TRDN: variants seen among roughly 807,000 people sequenced by gnomAD.
TRDN encodes triadin in skeletal muscle.
A neutral mutation model predicts 149.7 loss-of-function variants in TRDN; 161 were observed. The ratio of observed to expected loss-of-function variants is 1.08; its 90% CI spans 0.95 to 1.23. The LOEUF (loss-of-function observed/expected upper bound fraction) is 1.23. Among genes scored for constraint, TRDN ranks in the 50% most tolerant of loss-of-function variants. The probability of loss-of-function intolerance (pLI) is 0.00; values close to 1 mark genes in which losing one functional copy is unlikely to be tolerated. For synonymous variants in TRDN, 294 were observed against 250.5 expected, an observed-to-expected ratio of 1.17 and a Z score of -1.64; for missense variants, 896 against 823.5, an observed-to-expected ratio of 1.09 and a Z score of -1.08.
chr6:123,549,217 A>G (rs537944546), intron 2 of TRDN, among the ~76,000 whole-genome samples: 1 of 152,226 alleles, frequency 6.6e-6, no homozygotes, highest in South Asian at 2.1e-4. Context: ...AGTAACTTCA[A>G]TGGATAGAAT....
chr6:123,592,633 G>A (rs1446799957), intron 1 of TRDN, among the ~76,000 whole-genome samples: 1 of 152,164 alleles, frequency 6.6e-6, no homozygotes, highest in African/African-American at 2.4e-5. Context: ...ATCACTCAAA[G>A]CAGTAATTTC....
intron 4 of TRDN, among the ~76,000 whole-genome samples, chr6:123,532,849 G>T (rs4142959): frequency 0.22 from 32,635 of 150,332 alleles, 4,291 homozygotes; most frequent in East Asian, 0.63. Flanking sequence ...CAGGTCTAAG[G>T]CACGTCTAAT....
intron 6 of TRDN, among the ~76,000 whole-genome samples, chr6:123,513,723 GT>G (rs1203126397): frequency 1.3e-5 from 2 of 151,974 alleles, no homozygotes; most frequent in Non-Finnish European, 2.9e-5. Context: ...TTTTCTGTAG[GT>G]TATTGGGGTC....
At chr6:123,437,409 G>A (rs75786458) in intron 12 of TRDN, 2 of 67,032 alleles carry the variant, frequency 3.0e-5, no homozygotes, top group South Asian at 2.6e-4. Context: ...TTTTTTTTTT[G>A]TAGGGGGATG....
At chr6:123,246,083 A>C (rs1292634089) in intron 38 of TRDN, among the ~76,000 whole-genome samples, 1 of 152,116 alleles carries the variant, frequency 6.6e-6, no homozygotes, top group Non-Finnish European at 1.5e-5. Flanking sequence ...AACACAGATA[A>C]AGCAGTGTTT....
intron 2 of TRDN, among the ~76,000 whole-genome samples, chr6:123,559,992 G>T (rs1052815889): frequency 1.3e-5 from 2 of 152,158 alleles, no homozygotes; most frequent in Non-Finnish European, 2.9e-5. Context: ...CTGCCACAAG[G>T]CTTCACAGAC....
At chr6:123,230,129 AC>A (rs2114519431) in intron 38 of TRDN, among the ~76,000 whole-genome samples, 1 of 152,114 alleles carries the variant, frequency 6.6e-6, no homozygotes, top group African/African-American at 2.4e-5. Context: ...AAGACTTGGA[AC>A]CAACCCAAAT....
At chr6:123,449,009 T>TGTGAAA (rs1775589591) in intron 10 of TRDN, among the ~76,000 whole-genome samples, 2 of 151,744 alleles carry the variant, frequency 1.3e-5, no homozygotes, top group South Asian at 4.2e-4. Context: ...GCCACATCCA[T>TGTGAAA]AGGAAAAGGG....
intron 33 of TRDN, among the ~76,000 whole-genome samples, chr6:123,262,046 C>T (rs997772026): frequency 6.6e-6 from 1 of 151,834 alleles, no homozygotes; most frequent in African/African-American, 2.4e-5. Flanking sequence ...AATTTTTAAT[C>T]CAGGTTACAG....
intron 22 of TRDN, among the ~76,000 whole-genome samples, chr6:123,335,421 C>T (rs745867528): frequency 4.0e-5 from 6 of 151,768 alleles, no homozygotes; most frequent in Non-Finnish European, 7.4e-5. Flanking sequence ...TTTTCTCTAA[C>T]ATTTTCAATC....
intron 24 of TRDN, among the ~76,000 whole-genome samples, chr6:123,286,719 A>C (rs1055494897): frequency 3.9e-5 from 6 of 152,040 alleles, no homozygotes; most frequent in South Asian, 2.1e-4. Context: ...ACACACACAC[A>C]TCAGGTTTCA....
At chr6:123,285,265 G>A (rs1345232318) in intron 24 of TRDN, among the ~76,000 whole-genome samples, 1 of 152,052 alleles carries the variant, frequency 6.6e-6, no homozygotes, top group African/African-American at 2.4e-5. Context: ...AAATCTGGAG[G>A]CATCACATTA....
chr6:123,400,717 A>T (rs1042609095), intron 12 of TRDN, among the ~76,000 whole-genome samples: 2 of 152,204 alleles, frequency 1.3e-5, no homozygotes, highest in South Asian at 4.1e-4. Flanking sequence ...AGGGTGTCAT[A>T]GAACAGTATG....
intron 27 of TRDN, 139 bp downstream of exon 27, chr6:123,274,502 G>C: frequency 1.5e-6 from 1 of 655,638 alleles, no homozygotes; most frequent in Non-Finnish European, 2.5e-6. Flanking sequence ...AAATCATGTT[G>C]AGCAATGGAG....
chr6:123,583,692 T>A (rs1317371458), intron 1 of TRDN, among the ~76,000 whole-genome samples: 2 of 152,032 alleles, frequency 1.3e-5, no homozygotes, highest in Admixed American at 1.3e-4. Flanking sequence ...AAAAAATGAC[T>A]GTGGTGGCCT....
chr6:123,523,675 G>A (rs148384655), intron 5 of TRDN, among the ~76,000 whole-genome samples: 133 of 152,196 alleles, frequency 8.7e-4, no homozygotes, highest in African/African-American at 1.4e-3. Context: ...ATAGTACGGA[G>A]GAGCTAAGTA....
At chr6:123,271,976 A>T (rs940292598) in intron 29 of TRDN, among the ~76,000 whole-genome samples, 2 of 151,846 alleles carry the variant, frequency 1.3e-5, no homozygotes, top group African/African-American at 2.4e-5. Context: ...ACAATGTTTC[A>T]TTTAATGAGG....
chr6:123,551,871 T>C (rs1781408648), intron 2 of TRDN, among the ~76,000 whole-genome samples: 2 of 152,062 alleles, frequency 1.3e-5, no homozygotes, highest in African/African-American at 4.8e-5. Context: ...GGTCTCGTTT[T>C]GGGTGGGGAG....
intron 12 of TRDN, among the ~76,000 whole-genome samples, chr6:123,433,297 T>A (rs1774418072): frequency 6.6e-6 from 1 of 151,492 alleles, no homozygotes; most frequent in African/African-American, 2.4e-5. Flanking sequence ...TTTAAATAAC[T>A]TCCCACCCCA....
Sources: allele counts gnomAD v4.1 joint callset (sites outside exome capture counted in the v4.1 genomes callset), GRCh38; gene constraint gnomAD v4.1.1; transcripts MANE v1.5; gene names NCBI Gene and HGNC (gene_info 2026-07-23, HGNC 2026-07-21).